PAWR: variants seen among roughly 807,000 people sequenced by gnomAD.
PAWR encodes the protein PRKC apoptosis WT1 regulator protein.
A neutral mutation model predicts 32.0 loss-of-function variants in PAWR; 23 were observed. That is an observed-to-expected ratio of 0.72 (90% CI 0.52 to 1.02). The LOEUF is 1.02. PAWR is among the 50% of genes least tolerant of loss of function. The pLI is 0.00. For missense variants in PAWR, 457 were observed against 437.7 expected, an observed-to-expected ratio of 1.04 and a Z score of -0.39; for synonymous variants, 226 against 187.1, an observed-to-expected ratio of 1.21 and a Z score of -1.70.
At chr12:79,673,170 C>G (rs1028519139) in intron 2 of PAWR, among the ~76,000 whole-genome samples, 1 of 151,990 alleles carries the variant, frequency 6.6e-6, no homozygotes, top group Non-Finnish European at 1.5e-5. Flanking sequence ...CCCAGGTTCA[C>G]GCTATTCTCC....
At chr12:79,618,137 G>C (rs1270547492) in intron 3 of PAWR, among the ~76,000 whole-genome samples, 1 of 146,632 alleles carries the variant, frequency 6.8e-6, no homozygotes, top group Admixed American at 6.7e-5. Flanking sequence ...TTTTTTTTTT[G>C]TTTCTTTTTT....
At chr12:79,670,353 A>C (rs865999679) in intron 2 of PAWR, among the ~76,000 whole-genome samples, 17 of 152,324 alleles carry the variant, frequency 1.1e-4, no homozygotes, top group Middle Eastern at 3.4e-3. Flanking sequence ...AAGCTTAAAA[A>C]ACCAAATTAT....
intron 2 of PAWR, among the ~76,000 whole-genome samples, chr12:79,649,469 G>A (rs1876738171): frequency 6.6e-6 from 1 of 151,908 alleles, no homozygotes; most frequent in Non-Finnish European, 1.5e-5. Context: ...ATATTAAAAA[G>A]TTGGAGAGTC....
chr12:79,680,911 G>A, intron 2 of PAWR, among the ~76,000 whole-genome samples: 1 of 151,820 alleles, frequency 6.6e-6, no homozygotes, highest in Non-Finnish European at 1.5e-5. Flanking sequence ...TTTGCGTGTA[G>A]GAGTTCAAGA....
chr12:79,645,793 A>T (rs181381267), intron 2 of PAWR, among the ~76,000 whole-genome samples: 10 of 152,200 alleles, frequency 6.6e-5, no homozygotes, highest in Non-Finnish European at 1.5e-4. Context: ...TCCTAACTAT[A>T]GTGTTTCATT....
chr12:79,595,067 A>AT (rs1245001026), intron 5 of PAWR, among the ~76,000 whole-genome samples: 1 of 152,056 alleles, frequency 6.6e-6, no homozygotes, highest in Non-Finnish European at 1.5e-5. Flanking sequence ...GAACTACCTT[A>AT]TTTTTTAATG....
At chr12:79,655,423 T>C (rs1024235342) in intron 2 of PAWR, among the ~76,000 whole-genome samples, 4 of 152,206 alleles carry the variant, frequency 2.6e-5, no homozygotes, top group Non-Finnish European at 2.9e-5. Context: ...AACTAAAACA[T>C]AGGTTCTTAT....
At chr12:79,646,046 T>C (rs929735894) in intron 2 of PAWR, among the ~76,000 whole-genome samples, 4 of 152,244 alleles carry the variant, frequency 2.6e-5, no homozygotes, top group Admixed American at 1.3e-4. Flanking sequence ...TCTGAAATAC[T>C]TGAAACCAGA....
intron 2 of PAWR, among the ~76,000 whole-genome samples, chr12:79,682,299 G>C (rs1156834469): frequency 2.0e-5 from 3 of 152,162 alleles, no homozygotes; most frequent in African/African-American, 4.8e-5. Context: ...TTAGAGGTGT[G>C]AGCTATGGCA....
At chr12:79,681,671 A>C (rs2136883237) in intron 2 of PAWR, among the ~76,000 whole-genome samples, 1 of 152,300 alleles carries the variant, frequency 6.6e-6, no homozygotes, top group Non-Finnish European at 1.5e-5. Context: ...TATTTCCATG[A>C]GAGAACTACA....
Position 79,596,601 on chromosome 12 carries a change from A to G in PAWR, c.741T>C (p.Ser247=), listed in dbSNP as rs1236301712. The G allele has an allele frequency of 1.1e-5, 18 of 1,599,184 alleles. No individual in the cohort carries two copies. Among genetic ancestry groups the G allele is most frequent in the Non-Finnish European group, 1.1e-5 (13 of 1,168,086 alleles). ...CATCCCTGTTATATCTAGGGAACCC[A>G]CTTCTATCTGTTCGAGAATATCTAC... is the stretch of plus-strand genomic sequence containing the variant. The part of the protein sequence containing the change: ...VSSRYSRTDR[S]GFPRYNRDAN... Residue 247 remains serine, a synonymous_variant, in exon 5 of 7, where the codon AGT becomes AGC. Coordinates refer to ENST00000328827, the MANE Select transcript of PAWR (RefSeq NM_002583.4).
At chr12:79,668,868 G>A (rs910793291) in intron 2 of PAWR, among the ~76,000 whole-genome samples, 1 of 152,162 alleles carries the variant, frequency 6.6e-6, no homozygotes, top group East Asian at 1.9e-4. Context: ...CAAATATAAG[G>A]AGAGGAATCC....
chr12:79,671,388 C>T (rs1030645377), intron 2 of PAWR, among the ~76,000 whole-genome samples: 1 of 152,164 alleles, frequency 6.6e-6, no homozygotes, highest in African/African-American at 2.4e-5. Flanking sequence ...ATATTCTGTA[C>T]TAGAAACATA....
At chr12:79,609,294 G>A (rs1325559281) in intron 4 of PAWR, among the ~76,000 whole-genome samples, 1 of 152,188 alleles carries the variant, frequency 6.6e-6, no homozygotes, top group Non-Finnish European at 1.5e-5. Context: ...GTTGCAGCTT[G>A]TGGGTTAATA....
intron 2 of PAWR, among the ~76,000 whole-genome samples, chr12:79,645,590 G>A (rs1161861685): frequency 6.6e-6 from 1 of 152,142 alleles, no homozygotes; most frequent in Non-Finnish European, 1.5e-5. Context: ...GCTCTCTCCA[G>A]GGAGAAATGC....
intron 2 of PAWR, among the ~76,000 whole-genome samples, chr12:79,665,839 A>G (rs1004271735): frequency 1.3e-5 from 2 of 152,212 alleles, no homozygotes; most frequent in African/African-American, 4.8e-5. Context: ...AAACTGCAGC[A>G]AAACTCAATA....
At chr12:79,656,827 G>C (rs1877115649) in intron 2 of PAWR, among the ~76,000 whole-genome samples, 1 of 152,128 alleles carries the variant, frequency 6.6e-6, no homozygotes, top group African/African-American at 2.4e-5. Flanking sequence ...ATGACCCTGA[G>C]AGACAGAAAA....
chr12:79,664,890 C>T (rs1179063350), intron 2 of PAWR, among the ~76,000 whole-genome samples: 1 of 151,834 alleles, frequency 6.6e-6, no homozygotes, highest in Non-Finnish European at 1.5e-5. Context: ...TGCTGTAAAC[C>T]AAAAATGTAG....
intron 2 of PAWR, among the ~76,000 whole-genome samples, chr12:79,680,224 C>A (rs934173990): frequency 1.1e-4 from 16 of 152,190 alleles, no homozygotes; most frequent in African/African-American, 3.4e-4. Flanking sequence ...ATAACTGCAA[C>A]CCAGTCACGT....
Sources: allele counts gnomAD v4.1 joint callset (sites outside exome capture counted in the v4.1 genomes callset), GRCh38; gene constraint gnomAD v4.1.1; transcripts MANE v1.5; gene names NCBI Gene and HGNC (gene_info 2026-07-23, HGNC 2026-07-21).